Variants in TGFBR3 observed in about 807,000 individuals in gnomAD.
TGFBR3 encodes the protein transforming growth factor beta receptor type 3.
TGFBR3 carries 46 observed loss-of-function variants against 87.9 expected under a neutral mutation model. The observed-to-expected ratio is 0.52, with a 90% confidence interval of 0.41 to 0.67. The LOEUF (loss-of-function observed/expected upper bound fraction) is 0.67, where lower values mean the gene tolerates loss of function less well. Ranked by LOEUF, TGFBR3 falls within the 30% of genes least tolerant of loss-of-function variation. The probability of loss-of-function intolerance (pLI) is 0.00; values close to 1 mark genes in which losing one functional copy is unlikely to be tolerated. For synonymous variants in TGFBR3, 381 were observed against 391.6 expected (o/e 0.97, Z 0.32); for missense variants, 866 against 1,041.9 (o/e 0.83, Z 2.32).
chr1:91,780,932 C>G (rs865834262), intron 3 of TGFBR3, among the ~76,000 whole-genome samples: 1,363 of 130,850 alleles, frequency 0.01, 27 homozygotes, highest in African/African-American at 0.035. Context: ...CACACACACA[C>G]AGAGATCTCA....
chr1:91,782,433 C>T (rs1182060012), intron 3 of TGFBR3, among the ~76,000 whole-genome samples: 1 of 152,156 alleles, frequency 6.6e-6, no homozygotes, highest in Non-Finnish European at 1.5e-5. Context: ...CATGTGTGTC[C>T]CAACGGACCT....
At chr1:91,702,039 A>G (rs1319894477) in intron 14 of TGFBR3, among the ~76,000 whole-genome samples, 2 of 152,162 alleles carry the variant, frequency 1.3e-5, no homozygotes, top group Non-Finnish European at 2.9e-5. Flanking sequence ...GACATTTTGA[A>G]TGGTTACAAC....
chr1:91,853,304 A>AG (rs1218043392), intron 2 of TGFBR3, among the ~76,000 whole-genome samples: 2 of 131,566 alleles, frequency 1.5e-5, no homozygotes, highest in Non-Finnish European at 3.3e-5. Context: ...AAAAAAGGGG[A>AG]GGGGGCTTTT....
intron 3 of TGFBR3, among the ~76,000 whole-genome samples, chr1:91,762,936 C>T (rs1401648093): frequency 2.7e-5 from 4 of 150,642 alleles, no homozygotes; most frequent in Non-Finnish European, 5.9e-5. Context: ...CACTACCTCC[C>T]TATCTCTCAC....
At chr1:91,822,730 C>T (rs1474544572) in intron 2 of TGFBR3, among the ~76,000 whole-genome samples, 1 of 151,948 alleles carries the variant, frequency 6.6e-6, no homozygotes, top group East Asian at 1.9e-4. Flanking sequence ...AGTTCGAGAC[C>T]AGCCTGGGAA....
chr1:91,734,707 C>A, intron 5 of TGFBR3, 69 bp downstream of exon 5: 1 of 1,579,184 alleles, frequency 6.3e-7, no homozygotes, highest in South Asian at 1.1e-5. Context: ...GCCCTAACCA[C>A]CTGGTTTCAG....
At position 91,721,939 on chromosome 1, in the gene TGFBR3, A is replaced by G; in HGVS notation, c.1075+16T>C. On this transcript the variant is annotated intron_variant, in intron 8 of 16. Coordinates refer to ENST00000212355, the MANE Select transcript of TGFBR3 (RefSeq NM_003243.5). ...GGGGGGTATTTTTTACATAACTTAA[A>G]AAACTTCTAACTTACCATTATTTTC... The G allele has an allele frequency of 6.2e-7, 1 of 1,611,610 alleles. No individual in the cohort carries two copies. Among genetic ancestry groups the G allele is most frequent in the East Asian group, 2.2e-5 (1 of 44,764 alleles).
In TGFBR3 at chr1:91,781,026, CACA is replaced by C. The variant is rs575806724; in HGVS notation, c.246+16258_246+16260del. Among the ~76,000 whole-genome samples, 640 of 152,194 alleles carry C rather than the reference CACA, an allele frequency of 4.2e-3. 8 individuals carry two copies. The highest frequency in any genetic ancestry group is 0.015 in the African/African-American group (615 of 41,520). ...CTGATGTGTGAACAGTCACAAGGCA[CACA>C]ACAAGGAGGAATGCCTTGCTGCCAT... On this transcript the variant is annotated intron_variant, in intron 3 of 16. Transcript: ENST00000212355.
chr1:91,840,869 G>A (rs1190662158), intron 2 of TGFBR3, among the ~76,000 whole-genome samples: 2 of 151,424 alleles, frequency 1.3e-5, no homozygotes, highest in Non-Finnish European at 2.9e-5. Context: ...GGAGTGCAAT[G>A]GCACCATCTC....
rs138858788 is a variant in TGFBR3, at chr1:91,683,269, G to T, written c.*470C>A. 4.4e-5 allele frequency: 20 copies of T among 455,614 alleles called. No individual in the cohort carries two copies. Among genetic ancestry groups the T allele is most frequent in the South Asian group, 2.8e-4 (18 of 64,486 alleles). The allele number at this position is 455,614 out of a possible 1,614,324, so 28.2% of individuals were successfully genotyped here. Reference sequence around the variant, plus strand: ...GGAGGATCGCTTAGAAAGCCTCAAAGCATTTCTTGTTTTACATCTTGGTTC... The same window carrying T: ...GGAGGATCGCTTAGAAAGCCTCAAATCATTTCTTGTTTTACATCTTGGTTC... On this transcript the variant is annotated 3_prime_UTR_variant, in exon 17 of 17. Coordinates refer to ENST00000212355, the MANE Select transcript of TGFBR3 (RefSeq NM_003243.5).
intron 2 of TGFBR3, among the ~76,000 whole-genome samples, chr1:91,838,986 G>T (rs1000669967): frequency 4.0e-5 from 6 of 151,826 alleles, no homozygotes; most frequent in South Asian, 2.1e-4. Context: ...ATGTTTGTTT[G>T]TTTGTTTTTG....
At chr1:91,776,918 A>G (rs983784607) in intron 3 of TGFBR3, among the ~76,000 whole-genome samples, 1 of 152,162 alleles carries the variant, frequency 6.6e-6, no homozygotes, top group African/African-American at 2.4e-5. Flanking sequence ...TTGCTCCCCA[A>G]ATCTCACCGT....
At chr1:91,862,819 G>A (rs1678248932) in intron 1 of TGFBR3, among the ~76,000 whole-genome samples, 1 of 152,174 alleles carries the variant, frequency 6.6e-6, no homozygotes, top group African/African-American at 2.4e-5. Flanking sequence ...AGGCAGAATG[G>A]TGGCATTTCC....
chr1:91,793,783 G>T (rs1181204207), intron 3 of TGFBR3, among the ~76,000 whole-genome samples: 4 of 141,612 alleles, frequency 2.8e-5, no homozygotes, highest in African/African-American at 1.1e-4. Flanking sequence ...TCCAGCCTGG[G>T]TGACACAGCA....
At chr1:91,787,956 A>AAAAAAAAAAAAAAAC (rs906528422) in intron 3 of TGFBR3, among the ~76,000 whole-genome samples, 65 of 150,126 alleles carry the variant, frequency 4.3e-4, no homozygotes, top group African/African-American at 1.2e-3. Context: ...AAAAAAAAAA[A>AAAAAAAAAAAAAAAC]CCCCAAGAAG....
At chr1:91,856,051 G>C (rs1277282615) in intron 2 of TGFBR3, among the ~76,000 whole-genome samples, 1 of 151,930 alleles carries the variant, frequency 6.6e-6, no homozygotes, top group East Asian at 1.9e-4. Flanking sequence ...AACGAGGGAG[G>C]GGAGGGAAAG....
At chr1:91,722,294 G>A (rs1441797457) in intron 7 of TGFBR3, 150 bp from the exon 8 acceptor site, 7 of 717,726 alleles carry the variant, frequency 9.8e-6, no homozygotes, top group South Asian at 4.1e-5. Context: ...GGCTAAGAAC[G>A]ATGATGTGAA....
Position 91,682,158 on chromosome 1 carries a change from A to G in TGFBR3, c.*1581T>C, listed in dbSNP as rs1283032647. On this transcript the variant is annotated 3_prime_UTR_variant, in exon 17 of 17. Coordinates refer to ENST00000212355, the MANE Select transcript of TGFBR3 (RefSeq NM_003243.5). ...TTCCACATACTTGTTTCCCATGTAGACACTGCCCTAAGGTTTTAAGCTTCA... is the reference window on the plus strand; with the variant it reads ...TTCCACATACTTGTTTCCCATGTAGGCACTGCCCTAAGGTTTTAAGCTTCA... The G allele has an allele frequency of 3.7e-5, 17 of 453,954 alleles. No individual in the cohort carries two copies. The allele number at this position is 453,954 out of a possible 1,614,324, so 28.1% of individuals were successfully genotyped here. A position where few individuals can be genotyped will look rare whatever the true frequency, so the allele number is the denominator to read the frequency against.
intron 15 of TGFBR3, among the ~76,000 whole-genome samples, chr1:91,696,943 C>T (rs946199322): frequency 2.0e-5 from 3 of 152,124 alleles, no homozygotes; most frequent in African/African-American, 7.2e-5. Context: ...TGGAAGGATC[C>T]GAACTCCCAA....
Sources: gnomAD v4.1 joint callset for allele counts (sites outside exome capture counted in the v4.1 genomes callset) on GRCh38, gnomAD v4.1.1 for gene constraint, MANE v1.5 for transcripts, NCBI Gene and HGNC (gene_info 2026-07-23, HGNC 2026-07-21) for gene names.